NCEH1: variants seen among roughly 807,000 people sequenced by gnomAD.
The protein encoded by NCEH1 is 2-acetyl MAGE hydrolase.
A neutral mutation model predicts 25.4 loss-of-function variants in NCEH1; 9 were observed. The ratio of observed to expected loss-of-function variants is 0.35; its 90% CI spans 0.21 to 0.62. The LOEUF (loss-of-function observed/expected upper bound fraction) is 0.62. Ranked by LOEUF, NCEH1 falls within the 20% of genes least tolerant of loss-of-function variation. The pLI is 0.72. For synonymous variants in NCEH1, 200 were observed against 199.8 expected, an observed-to-expected ratio of 1.00 and a Z score of -0.01; for missense variants, 412 against 501.1, an observed-to-expected ratio of 0.82 and a Z score of 1.70.
At chr3:172,706,257 T>G (rs1394497644) in intron 1 of NCEH1, among the ~76,000 whole-genome samples, 4 of 152,102 alleles carry the variant, frequency 2.6e-5, no homozygotes, top group African/African-American at 9.7e-5. Context: ...GATACAACTT[T>G]ATGGCCCAGA....
chr3:172,696,122 C>T (rs1286019650), intron 1 of NCEH1, among the ~76,000 whole-genome samples: 2 of 152,106 alleles, frequency 1.3e-5, no homozygotes, highest in East Asian at 3.8e-4. Context: ...TTAAGAAACT[C>T]ATATACACAA....
chr3:172,647,838 C>A (rs1419953145), intron 2 of NCEH1, 48 bp downstream of exon 2: 1 of 1,609,078 alleles, frequency 6.2e-7, no homozygotes, highest in Non-Finnish European at 8.5e-7. Context: ...CGCATCTCCC[C>A]CAAGGCCAAC....
At chr3:172,652,357 T>C (rs1398928568) in intron 1 of NCEH1, among the ~76,000 whole-genome samples, 5 of 152,220 alleles carry the variant, frequency 3.3e-5, no homozygotes, top group Admixed American at 1.3e-4. Flanking sequence ...TGTGTGCTAA[T>C]GGATTTGAAA....
At chr3:172,653,752 G>GTTTTTT (rs375874414) in intron 1 of NCEH1, among the ~76,000 whole-genome samples, 2,036 of 83,756 alleles carry the variant, frequency 0.024, 122 homozygotes, top group African/African-American at 0.068. Flanking sequence ...TTGTTTTTTT[G>GTTTTTT]TTTTTTTGTT....
rs1279368777 is a variant in NCEH1, at chr3:172,683,295, T to C, written c.138+27552A>G. Among the ~76,000 whole-genome samples, 2 of 109,652 alleles carry C rather than the reference T, an allele frequency of 1.8e-5. 1 individual carries two copies. Among genetic ancestry groups the C allele is most frequent in the African/African-American group, 7.7e-5 (2 of 25,994 alleles). 71.9% of individuals were successfully genotyped at this position (109,652 alleles called of 152,430 possible). ...GCGGGCGCCTGTAGTCCCAGCTACT[T>C]GGGAGGCTGAGGCAGGAGAATGGCG... is the stretch of plus-strand genomic sequence containing the variant. On this transcript the variant is annotated intron_variant, in intron 1 of 4. Transcript: ENST00000475381.
chr3:172,657,556 G>A lies in NCEH1; in HGVS notation c.139-9442C>T, dbSNP rs140028266. Among the ~76,000 whole-genome samples the A allele has an allele frequency of 5.3e-5, 8 of 152,226 alleles. No individual in the cohort carries two copies. In the East Asian group the frequency reaches 1.5e-3, roughly 29 times the overall value. ...CTCTCGTTGCTGCCTTGGCTAAGAT[G>A]CTCATTATTTTCTGCACTTGCCTGC... On this transcript the variant is annotated intron_variant, in intron 1 of 4. Coordinates refer to ENST00000475381, the MANE Select transcript of NCEH1 (RefSeq NM_020792.6).
At chr3:172,644,115 C>T (rs7432289) in intron 3 of NCEH1, among the ~76,000 whole-genome samples, 8 of 148,862 alleles carry the variant, frequency 5.4e-5, no homozygotes, top group Admixed American at 2.7e-4. Flanking sequence ...TGGGTGACTG[C>T]AGGGCTTTTG....
At chr3:172,697,209 G>A (rs1449800887) in intron 1 of NCEH1, among the ~76,000 whole-genome samples, 1 of 151,978 alleles carries the variant, frequency 6.6e-6, no homozygotes, top group East Asian at 1.9e-4. Context: ...GGTAACGGGC[G>A]TGAGCCACAG....
chr3:172,691,997 T>A (rs1000047592), intron 1 of NCEH1, among the ~76,000 whole-genome samples: 15 of 81,798 alleles, frequency 1.8e-4, no homozygotes, highest in Non-Finnish European at 2.9e-4. Flanking sequence ...AAGAACAGGG[T>A]GTAGTGAGAG....
intron 4 of NCEH1, among the ~76,000 whole-genome samples, chr3:172,635,431 C>T (rs1228076119): frequency 2.0e-5 from 3 of 152,018 alleles, no homozygotes; most frequent in Non-Finnish European, 2.9e-5. Flanking sequence ...CCAGGTAAAG[C>T]TCATAGTAAC....
intron 2 of NCEH1, 81 bp from the exon 3 acceptor site, chr3:172,645,773 G>T: frequency 1.2e-6 from 1 of 808,158 alleles, no homozygotes; most frequent in Non-Finnish European, 1.9e-6. Context: ...AGTGTGAATT[G>T]TTTTTAGGCT....
intron 3 of NCEH1, 91 bp from the exon 4 acceptor site, chr3:172,636,178 G>A: frequency 4.2e-6 from 3 of 718,218 alleles, no homozygotes; most frequent in South Asian, 2.6e-5. Flanking sequence ...TTTAAATCTG[G>A]AAATAGATAA....
chr3:172,692,097 G>A (rs939144949), intron 1 of NCEH1, among the ~76,000 whole-genome samples: 3 of 152,064 alleles, frequency 2.0e-5, no homozygotes, highest in African/African-American at 7.2e-5. Context: ...CATTCAAGAA[G>A]CCTTTGTCTC....
intron 1 of NCEH1, among the ~76,000 whole-genome samples, chr3:172,696,986 C>T (rs886810959): frequency 2.0e-5 from 3 of 152,000 alleles, no homozygotes; most frequent in Non-Finnish European, 4.4e-5. Context: ...AGTACAATGG[C>T]GTGATCTTGG....
At chr3:172,653,586 CTCTG>C (rs1404904589) in intron 1 of NCEH1, among the ~76,000 whole-genome samples, 8 of 152,084 alleles carry the variant, frequency 5.3e-5, no homozygotes, top group African/African-American at 1.7e-4. Context: ...AAGGAATTAC[CTCTG>C]TCTGGGGATG....
Position 172,647,915 on chromosome 3 carries a change from T to C in NCEH1, c.338A>G (p.His113Arg). 6.2e-7 allele frequency: 1 copy of C among 1,614,154 alleles called. No individual in the cohort carries two copies. The highest frequency in any genetic ancestry group is 8.5e-7 in the Non-Finnish European group (1 of 1,180,026). ...EPLKRSVVYI[H>R]GGGWALASAK... Reference sequence around the variant, plus strand: ...ACTTGCCAAGGCCCAGCCTCCTCCGTGGATATAAACGACGCTGCGTTTCAG... The same window carrying C: ...ACTTGCCAAGGCCCAGCCTCCTCCGCGGATATAAACGACGCTGCGTTTCAG... Residue 113 changes from histidine to arginine, a missense_variant, in exon 2 of 5, where the codon CAC (histidine) becomes CGC (arginine). His to Arg is a conservative substitution (Grantham distance 29). This residue lies in a region of NCEH1 where 178 missense variants were observed against 189.2 expected (regional missense o/e 0.94). Transcript: ENST00000475381.
Position 172,633,665 on chromosome 3 carries a change from T to C in NCEH1, c.1037A>G (p.Glu346Gly), listed in dbSNP as rs766392115. ...LLPKTYILTC[E>G]HDVLRDDGIM... ...GCCATCGTCTCTGAGGACATCATGC[T>C]CACACGTCAGAATGTAGGTCTTTGG... The change falls in exon 5 of 5, where the codon GAG becomes GGG. Residue 346 changes from glutamate (E) to glycine (G), a missense_variant. By Grantham distance (98) the Glu-to-Gly change is moderately conservative. This residue lies in a region of NCEH1 where 210 missense variants were observed against 258.2 expected (regional missense o/e 0.81). Transcript: ENST00000475381. 6 of 1,614,064 alleles carry C rather than the reference T, an allele frequency of 3.7e-6. No individual in the cohort carries two copies. Among genetic ancestry groups the C allele is most frequent in the South Asian group, 3.3e-5 (3 of 91,082 alleles).
At position 172,710,931 on chromosome 3, in the gene NCEH1, G is replaced by A. The variant is rs1179032427; in HGVS notation, c.54C>T (p.Tyr18=). 1 of 1,614,194 alleles carries A rather than the reference G, an allele frequency of 6.2e-7. No individual in the cohort carries two copies. The highest frequency in any genetic ancestry group is 8.5e-7 in the Non-Finnish European group (1 of 1,180,040). The change falls in exon 1 of 5, where the codon TAC becomes TAT. Residue 18 remains tyrosine (Y), a synonymous_variant. Transcript: ENST00000475381. ...LTALVALAAY[Y]VYIPLPGSVS... is the part of the protein sequence containing the mutation. Reference sequence around the variant, plus strand: ...CGGAGCCAGGCAGCGGGATGTAGACGTAATAGGCGGCCAGCGCCACCAGGG... The same window carrying A: ...CGGAGCCAGGCAGCGGGATGTAGACATAATAGGCGGCCAGCGCCACCAGGG...
chr3:172,696,236 AG>A (rs1166316475), intron 1 of NCEH1, among the ~76,000 whole-genome samples: 2 of 152,194 alleles, frequency 1.3e-5, no homozygotes, highest in African/African-American at 4.8e-5. Context: ...AACTAGTCAC[AG>A]GTGCTAAAGT....
Sources: gnomAD v4.1 joint callset for allele counts (sites outside exome capture counted in the v4.1 genomes callset) on GRCh38, gnomAD v4.1.1 for gene constraint, gnomAD v4.1.1 regional missense constraint, MANE v1.5 for transcripts, NCBI Gene and HGNC (gene_info 2026-07-23, HGNC 2026-07-21) for gene names.